ANK3: variants seen among roughly 807,000 people sequenced by gnomAD.
ANK3 encodes ankyrin-3.
ANK3 carries 57 observed loss-of-function variants against 370.9 expected under a neutral mutation model. That is an observed-to-expected ratio of 0.15 (90% CI 0.12 to 0.19). The LOEUF is 0.19. ANK3 is among the 10% of genes least tolerant of loss of function. ANK3 has a pLI of 1.00. For missense variants in ANK3, 4,439 were observed against 5,302.1 expected (o/e 0.84, Z 5.06); for synonymous variants, 1,929 against 1,946.3 (o/e 0.99, Z 0.23).
chr10:60,373,843 G>A (rs572885029), intron 1 of ANK3, among the ~76,000 whole-genome samples: 1 of 152,252 alleles, frequency 6.6e-6, no homozygotes, highest in East Asian at 1.9e-4. Context: ...TCAGTCCTGG[G>A]CAAACCAGGC....
chr10:60,140,208 T>C, intron 23 of ANK3: 1 of 885,950 alleles, frequency 1.1e-6, no homozygotes, highest in Non-Finnish European at 1.8e-6. Flanking sequence ...TTTGCAAATG[T>C]AAAAACTAAA....
At chr10:60,268,720 T>C (rs2097917212) in intron 5 of ANK3, among the ~76,000 whole-genome samples, 1 of 152,128 alleles carries the variant, frequency 6.6e-6, no homozygotes, top group Non-Finnish European at 1.5e-5. Context: ...TAGTTTTTGA[T>C]AGTTACTGCC....
rs1170148490 is a variant in ANK3, at chr10:60,226,487, A to G, written c.897+8201T>C. 7.9e-5 allele frequency among the ~76,000 whole-genome samples: 6 copies of G among 75,876 alleles called. No individual in the cohort carries two copies. The South Asian group carries it at 1.3e-3, about 17-fold the overall frequency. The allele number at this position is 75,876 out of a possible 152,430, so 49.8% of individuals were successfully genotyped here. A position where few individuals can be genotyped will look rare whatever the true frequency, so the allele number is the denominator to read the frequency against. ...TATACATAGTATATATACTATATAT[A>G]TACATATACTATAGTATATATACAT... On this transcript the variant is annotated intron_variant, in intron 8 of 43. Coordinates refer to ENST00000280772, the MANE Select transcript of ANK3 (RefSeq NM_020987.5).
At chr10:60,396,884 C>A (rs1387726397) in intron 2 of ANK3, among the ~76,000 whole-genome samples, 1 of 152,200 alleles carries the variant, frequency 6.6e-6, no homozygotes, top group Admixed American at 6.5e-5. Context: ...ACTCTCCCAA[C>A]ATACACGCTG....
At chr10:60,152,978 G>T (rs2095200464) in intron 23 of ANK3, among the ~76,000 whole-genome samples, 1 of 152,042 alleles carries the variant, frequency 6.6e-6, no homozygotes, top group African/African-American at 2.4e-5. Context: ...ATACTCCTAG[G>T]TTTACATCCT....
At chr10:60,147,853 T>C (rs1021233880) in intron 23 of ANK3, among the ~76,000 whole-genome samples, 1 of 152,210 alleles carries the variant, frequency 6.6e-6, no homozygotes, top group Non-Finnish European at 1.5e-5. Flanking sequence ...TTAAACCTCT[T>C]TTCCTTATAA....
intron 25 of ANK3, among the ~76,000 whole-genome samples, chr10:60,129,782 A>C (rs1179275376): frequency 6.6e-6 from 1 of 152,012 alleles, no homozygotes; most frequent in African/African-American, 2.4e-5. Context: ...CACACACCCC[A>C]AAGTTCTCCA....
chr10:60,121,667 G>A (rs2132137049), intron 25 of ANK3, among the ~76,000 whole-genome samples: 1 of 143,790 alleles, frequency 7.0e-6, no homozygotes, highest in South Asian at 2.4e-4. Flanking sequence ...CTCCAGTCTA[G>A]GTGAGAGGGC....
intron 1 of ANK3, among the ~76,000 whole-genome samples, chr10:60,293,128 C>T (rs926157741): frequency 6.6e-6 from 1 of 152,178 alleles, no homozygotes; most frequent in Non-Finnish European, 1.5e-5. Flanking sequence ...TTTTGCTTTC[C>T]TGCGAGCCAA....
At chr10:60,562,963 C>A (rs987854221) in intron 2 of ANK3, among the ~76,000 whole-genome samples, 1 of 152,048 alleles carries the variant, frequency 6.6e-6, no homozygotes, top group South Asian at 2.1e-4. Context: ...TATATCCCCC[C>A]CAAAGTCTAT....
chr10:60,040,539 C>T (rs2075899596), intron 43 of ANK3, among the ~76,000 whole-genome samples: 1 of 152,190 alleles, frequency 6.6e-6, no homozygotes, highest in Admixed American at 6.5e-5. Flanking sequence ...TCATATGAAT[C>T]TACCCAACGT....
chr10:60,202,642 C>T (rs1005709564), intron 12 of ANK3, among the ~76,000 whole-genome samples: 2 of 152,158 alleles, frequency 1.3e-5, no homozygotes, highest in African/African-American at 4.8e-5. Flanking sequence ...CATGGTGGCT[C>T]ATGCCTATAA....
At chr10:60,635,693 A>C (rs1175666706) in intron 1 of ANK3, among the ~76,000 whole-genome samples, 2 of 105,958 alleles carry the variant, frequency 1.9e-5, no homozygotes, top group Non-Finnish European at 4.1e-5. Flanking sequence ...TTATAGCTTA[A>C]ACCCTGGATA....
At chr10:60,182,831 G>C (rs2096234683) in intron 17 of ANK3, among the ~76,000 whole-genome samples, 1 of 152,216 alleles carries the variant, frequency 6.6e-6, no homozygotes, top group Non-Finnish European at 1.5e-5. Flanking sequence ...AAGGAGGACT[G>C]ATGCATTCAC....
intron 2 of ANK3, among the ~76,000 whole-genome samples, chr10:60,582,728 T>G (rs1314856444): frequency 2.0e-5 from 3 of 151,492 alleles, no homozygotes; most frequent in East Asian, 3.9e-4. Context: ...CATTTTCAGA[T>G]GTATAGTTTG....
At chr10:60,548,380 TTG>T (rs1218930123) in intron 2 of ANK3, among the ~76,000 whole-genome samples, 1 of 151,866 alleles carries the variant, frequency 6.6e-6, no homozygotes, top group Non-Finnish European at 1.5e-5. Context: ...TGCAGCTATT[TTG>T]TGTGTGCGTG....
chr10:60,038,130 C>G (rs2075436586), intron 43 of ANK3, among the ~76,000 whole-genome samples: 1 of 152,174 alleles, frequency 6.6e-6, no homozygotes, highest in Non-Finnish European at 1.5e-5. Context: ...GGCACAGTGG[C>G]TCACGCCCGT....
chr10:60,318,567 T>C (rs2047954234), intron 1 of ANK3, among the ~76,000 whole-genome samples: 1 of 152,084 alleles, frequency 6.6e-6, no homozygotes, highest in Admixed American at 6.5e-5. Context: ...CCAGGTAGCC[T>C]CAATGTCACA....
intron 23 of ANK3, among the ~76,000 whole-genome samples, chr10:60,151,386 A>T (rs1413798773): frequency 6.6e-6 from 1 of 152,054 alleles, no homozygotes; most frequent in African/African-American, 2.4e-5. Flanking sequence ...TTACCGTGAG[A>T]TGTGATGTTA....
Sources: gnomAD v4.1 joint callset for allele counts (sites outside exome capture counted in the v4.1 genomes callset) on GRCh38, gnomAD v4.1.1 for gene constraint, MANE v1.5 for transcripts, NCBI Gene and HGNC (gene_info 2026-07-23, HGNC 2026-07-21) for gene names.